PLCB4: variants seen among roughly 807,000 people sequenced by gnomAD.
The protein encoded by PLCB4 is 1-phosphatidylinositol 4,5-bisphosphate phosphodiesterase beta-4.
A neutral mutation model predicts 178.8 loss-of-function variants in PLCB4; 77 were observed. The observed-to-expected ratio is 0.43, with a 90% CI of 0.36 to 0.52. PLCB4 has a LOEUF of 0.52. PLCB4 is among the 20% of genes least tolerant of loss of function. The pLI, the probability that PLCB4 is intolerant of heterozygous loss-of-function variation, is 0.00. For missense variants in PLCB4, 1,024 were observed against 1,453.4 expected, an observed-to-expected ratio of 0.70 and a Z score of 4.80; for synonymous variants, 496 against 490.8, an observed-to-expected ratio of 1.01 and a Z score of -0.14.
intron 1 of PLCB4, among the ~76,000 whole-genome samples, chr20:9,095,808 A>G (rs2090888982): frequency 1.3e-5 from 2 of 152,200 alleles, no homozygotes. Flanking sequence ...AAAAATCAAT[A>G]GAAAGAGGTA....
At chr20:9,131,449 C>T (rs779100585) in intron 2 of PLCB4, among the ~76,000 whole-genome samples, 2 of 152,090 alleles carry the variant, frequency 1.3e-5, no homozygotes, top group African/African-American at 2.4e-5. Flanking sequence ...AATAACTTTA[C>T]TTGTTGAAGG....
At chr20:9,132,954 C>A (rs1231428242) in intron 2 of PLCB4, among the ~76,000 whole-genome samples, 1 of 152,064 alleles carries the variant, frequency 6.6e-6, no homozygotes, top group Non-Finnish European at 1.5e-5. Flanking sequence ...ATGCTGCTAA[C>A]CATCCCACAA....
intron 4 of PLCB4, among the ~76,000 whole-genome samples, chr20:9,310,507 G>T (rs1039295482): frequency 6.6e-6 from 1 of 152,058 alleles, no homozygotes; most frequent in East Asian, 1.9e-4. Context: ...TCAGGAGATT[G>T]AGACCATTCT....
At chr20:9,367,170 A>G (rs564506583) in intron 9 of PLCB4, among the ~76,000 whole-genome samples, 1 of 152,288 alleles carries the variant, frequency 6.6e-6, no homozygotes, top group African/African-American at 2.4e-5. Context: ...ATTTTTCTCA[A>G]TCTTGTATAT....
At chr20:9,421,059 GT>G (rs11475038) in intron 26 of PLCB4, among the ~76,000 whole-genome samples, 23,671 of 151,740 alleles carry the variant, frequency 0.16, 3,094 homozygotes, top group African/African-American at 0.34. Context: ...TTTTTTCTTT[GT>G]TTTTTTTCTA....
chr20:9,423,069 A>G (rs890327030), intron 27 of PLCB4, among the ~76,000 whole-genome samples: 2 of 152,166 alleles, frequency 1.3e-5, no homozygotes, highest in African/African-American at 2.4e-5. Context: ...CTGAACTCAG[A>G]TTTTATGTTC....
intron 2 of PLCB4, among the ~76,000 whole-genome samples, chr20:9,188,405 G>T (rs1046597078): frequency 2.0e-5 from 3 of 152,214 alleles, no homozygotes; most frequent in African/African-American, 7.2e-5. Context: ...GAGGGTTGGG[G>T]AGTAGGACTG....
chr20:9,437,424 T>C (rs1276959580), intron 30 of PLCB4, among the ~76,000 whole-genome samples: 2 of 152,236 alleles, frequency 1.3e-5, no homozygotes, highest in Non-Finnish European at 1.5e-5. Flanking sequence ...AGTAGAAACA[T>C]GATTATTTGT....
chr20:9,077,654 A>G (rs6118472), intron 1 of PLCB4, among the ~76,000 whole-genome samples: 94,917 of 152,104 alleles, frequency 0.62, 29,736 homozygotes, highest in South Asian at 0.72. Flanking sequence ...TTGAAAATCT[A>G]TTTTCTGATC....
At chr20:9,444,762 A>G (rs1410163549) in intron 32 of PLCB4, among the ~76,000 whole-genome samples, 2 of 151,338 alleles carry the variant, frequency 1.3e-5, no homozygotes, top group South Asian at 4.2e-4. Context: ...ACTCCATCTC[A>G]AAAAAAAAGA....
At chr20:9,425,725 A>T (rs916116052) in intron 28 of PLCB4, among the ~76,000 whole-genome samples, 1 of 152,184 alleles carries the variant, frequency 6.6e-6, no homozygotes, top group Non-Finnish European at 1.5e-5. Flanking sequence ...CATTGATGAG[A>T]TTCTGCAGTC....
intron 28 of PLCB4, among the ~76,000 whole-genome samples, chr20:9,429,306 C>A (rs1568814739): frequency 1.3e-5 from 2 of 152,080 alleles, no homozygotes; most frequent in African/African-American, 4.8e-5. Flanking sequence ...CCAGCAAGGC[C>A]TACTCACCTG....
chr20:9,193,245 G>C (rs1301166139), intron 2 of PLCB4, among the ~76,000 whole-genome samples: 2 of 152,216 alleles, frequency 1.3e-5, no homozygotes. Flanking sequence ...AGAAGAGTAA[G>C]AAAGTGAGAC....
chr20:9,089,784 G>A (rs1388133782), intron 1 of PLCB4, among the ~76,000 whole-genome samples: 1 of 152,052 alleles, frequency 6.6e-6, no homozygotes, highest in East Asian at 1.9e-4. Flanking sequence ...AAAGTTAGCT[G>A]GTGAATAAGG....
chr20:9,237,593 C>T (rs1269806417), intron 3 of PLCB4, among the ~76,000 whole-genome samples: 1 of 152,156 alleles, frequency 6.6e-6, no homozygotes, highest in African/African-American at 2.4e-5. Flanking sequence ...ACAAACTTGC[C>T]AGGGATTTCT....
intron 4 of PLCB4, among the ~76,000 whole-genome samples, chr20:9,312,394 A>ACACACACG (rs796646743): frequency 4.2e-5 from 6 of 143,924 alleles, no homozygotes; most frequent in Non-Finnish European, 6.0e-5. Context: ...ACACACACAC[A>ACACACACG]CACGCACGCA....
chr20:9,123,432 T>A lies in PLCB4; in HGVS notation c.-79+27090T>A, dbSNP rs112804073. Among the ~76,000 whole-genome samples the A allele has an allele frequency of 8.6e-3, 1,308 of 151,244 alleles. 20 individuals are homozygous for A. The highest frequency in any genetic ancestry group is 0.03 in the African/African-American group (1,232 of 41,186). ...CTGGAAATCTCCTCTTTTTTTTTTT[T>A]TATATATATTTCAGCTATTTAATTT... is the stretch of plus-strand genomic sequence containing the variant. On this transcript the variant is annotated intron_variant, in intron 2 of 39. Coordinates refer to ENST00000378473, the MANE Select transcript of PLCB4 (RefSeq NM_001377142.1).
intron 36 of PLCB4, among the ~76,000 whole-genome samples, chr20:9,471,456 C>T (rs1034304394): frequency 3.3e-5 from 5 of 151,894 alleles, no homozygotes; most frequent in Admixed American, 2.6e-4. Context: ...GGGGAATTAA[C>T]TACAGAGAAA....
At chr20:9,414,895 G>A (rs943172160) in intron 25 of PLCB4, among the ~76,000 whole-genome samples, 3 of 152,188 alleles carry the variant, frequency 2.0e-5, no homozygotes, top group African/African-American at 4.8e-5. Context: ...ATGATTCAGA[G>A]GCTGTTTTTT....
Sources: gnomAD v4.1 joint callset for allele counts (sites outside exome capture counted in the v4.1 genomes callset) on GRCh38, gnomAD v4.1.1 for gene constraint, MANE v1.5 for transcripts, NCBI Gene and HGNC (gene_info 2026-07-23, HGNC 2026-07-21) for gene names.